The following TRAT1 variants were observed in gnomAD, a reference collection of about 807,000 sequenced individuals.
The protein encoded by TRAT1 is T-cell receptor-associated transmembrane adapter 1.
A neutral mutation model predicts 20.0 loss-of-function variants in TRAT1; 20 were observed. The observed-to-expected ratio is 1.00, with a 90% CI of 0.70 to 1.45. The LOEUF (loss-of-function observed/expected upper bound fraction) is 1.45, where lower values mean the gene tolerates loss of function less well. Among genes scored for constraint, TRAT1 ranks in the 40% most tolerant of loss-of-function variants. The pLI is 0.00. For missense variants in TRAT1, 237 were observed against 224.1 expected (o/e 1.06, Z -0.37); for synonymous variants, 77 against 74.2 (o/e 1.04, Z -0.20).
At chr3:108,844,843 CAAAAAAA>C (rs71103495) in intron 3 of TRAT1, among the ~76,000 whole-genome samples, 10 of 47,832 alleles carry the variant, frequency 2.1e-4, no homozygotes, top group Admixed American at 2.8e-4. Flanking sequence ...GACTCTGTCT[CAAAAAAA>C]AAAAAAAAAA....
chr3:108,849,276 C>T, intron 5 of TRAT1, 22 bp downstream of exon 5: 1 of 1,575,432 alleles, frequency 6.3e-7, no homozygotes, highest in South Asian at 1.1e-5. Flanking sequence ...TTTCTGTTTC[C>T]ACATTTGCAC....
intron 2 of TRAT1, among the ~76,000 whole-genome samples, chr3:108,832,789 G>A (rs1461442191): frequency 6.6e-6 from 1 of 152,128 alleles, no homozygotes; most frequent in Non-Finnish European, 1.5e-5. Context: ...AATTTATCTA[G>A]CAAATGTGAC....
chr3:108,834,679 T>C (rs925537538), intron 2 of TRAT1, among the ~76,000 whole-genome samples: 2 of 152,264 alleles, frequency 1.3e-5, no homozygotes, highest in African/African-American at 2.4e-5. Context: ...TTTGTTACTC[T>C]TTGTGGCTGA....
chr3:108,829,837 A>G (rs1410265702), intron 1 of TRAT1, among the ~76,000 whole-genome samples: 4 of 152,204 alleles, frequency 2.6e-5, no homozygotes, highest in African/African-American at 9.6e-5. Flanking sequence ...TTTGGTAATG[A>G]TAATAAATGA....
intron 3 of TRAT1, among the ~76,000 whole-genome samples, chr3:108,844,843 C>CA (rs71103495): frequency 0.39 from 18,444 of 47,418 alleles, 4,723 homozygotes; most frequent in Non-Finnish European, 0.46. Flanking sequence ...GACTCTGTCT[C>CA]AAAAAAAAAA....
At chr3:108,834,577 A>T (rs1945822379) in intron 2 of TRAT1, among the ~76,000 whole-genome samples, 1 of 152,218 alleles carries the variant, frequency 6.6e-6, no homozygotes, top group African/African-American at 2.4e-5. Flanking sequence ...AATAAAAGAG[A>T]TTCTATTGTA....
chr3:108,827,660 C>T (rs1945754142), intron 1 of TRAT1, among the ~76,000 whole-genome samples: 1 of 151,948 alleles, frequency 6.6e-6, no homozygotes, highest in African/African-American at 2.4e-5. Flanking sequence ...GAATTACGGA[C>T]CCTAAAAGCA....
Position 108,832,259 on chromosome 3 carries a change from C to T in TRAT1, c.118+1479C>T, listed in dbSNP as rs942153803. Among the ~76,000 whole-genome samples the T allele has an allele frequency of 9.2e-5, 14 of 152,266 alleles. No individual in the cohort carries two copies. The East Asian group carries it at 2.7e-3, about 29-fold the overall frequency. ...TTTCTACCAGTACATCCTTCCTTGA[C>T]ATTGTTGACCAGTTGTCCTCAGCCA... On this transcript the variant is annotated intron_variant, in intron 2 of 5. Coordinates refer to ENST00000295756, the MANE Select transcript of TRAT1 (RefSeq NM_016388.4).
In TRAT1 at chr3:108,822,917, A is replaced by G; in HGVS notation, c.-11A>G. On this transcript the variant is annotated 5_prime_UTR_variant, in exon 1 of 6. Coordinates refer to ENST00000295756, the MANE Select transcript of TRAT1 (RefSeq NM_016388.4). ...TATGGCTAGATAAAGATTTCTCTGA[A>G]AAAAAGAAGCATGTCAGGTAAGTGG... 1 of 1,610,182 alleles carries G rather than the reference A, an allele frequency of 6.2e-7. No individual in the cohort carries two copies. The highest frequency in any genetic ancestry group is 8.5e-7 in the Non-Finnish European group (1 of 1,177,532).
Position 108,849,024 on chromosome 3 carries a change from T to G in TRAT1, c.215-142T>G, listed in dbSNP as rs942852004. On this transcript the variant is annotated intron_variant, in intron 4 of 5. Transcript: ENST00000295756. ...TAACAGTTTGGGCTTCCTTACCTCT[T>G]TCTATCTCCACCAAAAAGACTAGTT... is the stretch of plus-strand genomic sequence containing the variant. 40 of 709,354 alleles carry G rather than the reference T, an allele frequency of 5.6e-5. No homozygotes were observed. The South Asian group carries it at 7.4e-4, about 13-fold the overall frequency. The allele number at this position is 709,354 out of a possible 1,614,324, so 43.9% of individuals were successfully genotyped here.
chr3:108,833,830 AC>A (rs1945816200), intron 2 of TRAT1, among the ~76,000 whole-genome samples: 1 of 148,518 alleles, frequency 6.7e-6, no homozygotes, highest in African/African-American at 2.5e-5. Context: ...ACACACACAC[AC>A]ATCTTTGCAT....
At position 108,828,330 on chromosome 3, in the gene TRAT1, C is replaced by T. The variant is rs1167827635; in HGVS notation, c.8-2340C>T. On this transcript the variant is annotated intron_variant, in intron 1 of 5. Transcript: ENST00000295756. ...TTATTATTTTCCATGTATTTATTTACCCCTCCTCCAGAAAAAGGGGTATTA... is the reference window on the plus strand; with the variant it reads ...TTATTATTTTCCATGTATTTATTTATCCCTCCTCCAGAAAAAGGGGTATTA... 2.0e-5 allele frequency among the ~76,000 whole-genome samples: 3 copies of T among 152,058 alleles called. No individual in the cohort carries two copies. In the South Asian group the frequency reaches 6.2e-4, roughly 32 times the overall value.
rs11371183 is a variant in TRAT1 at position 108,838,356 on chromosome 3, TGATAGATAGATAGATAGATAGATAGATA to T, written c.119-555_119-528del. ...TAGATAGATGATAGATATAGATAGA[TGATAGATAGATAGATAGATAGATAGATA>T]GATAGATAGATAGATAGATAGAGAT... On this transcript the variant is annotated intron_variant, in intron 2 of 5. Transcript: ENST00000295756. Among the ~76,000 whole-genome samples, 21 of 77,036 alleles carry T rather than the reference TGATAGATAGATAGATAGATAGATAGATA, an allele frequency of 2.7e-4. No homozygotes were observed. In the East Asian group the frequency reaches 4.6e-3, roughly 17 times the overall value. The allele number at this position is 77,036 out of a possible 152,430, so 50.5% of individuals were successfully genotyped here.
intron 5 of TRAT1, 61 bp from the exon 6 acceptor site, chr3:108,853,558 AT>A: frequency 6.5e-7 from 1 of 1,546,616 alleles, no homozygotes; most frequent in East Asian, 2.3e-5. Flanking sequence ...CGCCACAGAA[AT>A]TTCCAGAAGT....
intron 4 of TRAT1, among the ~76,000 whole-genome samples, chr3:108,848,857 C>T (rs1945970957): frequency 6.6e-6 from 1 of 152,192 alleles, no homozygotes; most frequent in African/African-American, 2.4e-5. Context: ...TGTGAGATCT[C>T]TATAACATCC....
At chr3:108,834,484 G>T (rs535972926) in intron 2 of TRAT1, among the ~76,000 whole-genome samples, 3 of 152,104 alleles carry the variant, frequency 2.0e-5, no homozygotes, top group African/African-American at 4.8e-5. Context: ...ATATATTTCA[G>T]AACTGCTCTG....
At position 108,845,856 on chromosome 3, in the gene TRAT1, G is replaced by A. The variant is rs1398106972; in HGVS notation, c.153-1212G>A. ...TGCCATTGTGAAATCTGGTCACTAG[G>A]GCCATCATCAATGGTAGGATGACAT... On this transcript the variant is annotated intron_variant, in intron 3 of 5. Coordinates refer to ENST00000295756, the MANE Select transcript of TRAT1 (RefSeq NM_016388.4). Among the ~76,000 whole-genome samples the A allele has an allele frequency of 2.6e-5, 4 of 152,040 alleles. No individual in the cohort carries two copies. In the South Asian group the frequency reaches 6.2e-4, roughly 24 times the overall value.
At position 108,822,899 on chromosome 3, in the gene TRAT1, A is replaced by G; in HGVS notation, c.-29A>G. Reference sequence around the variant, plus strand: ...TAATCCATATATTTGTCTTATGGCTAGATAAAGATTTCTCTGAAAAAAAGA... The same window carrying G: ...TAATCCATATATTTGTCTTATGGCTGGATAAAGATTTCTCTGAAAAAAAGA... On this transcript the variant is annotated 5_prime_UTR_variant, in exon 1 of 6. Transcript: ENST00000295756. 1 of 1,604,196 alleles carries G rather than the reference A, an allele frequency of 6.2e-7. No homozygotes were observed. The highest frequency in any genetic ancestry group is 8.5e-7 in the Non-Finnish European group (1 of 1,171,972).
chr3:108,853,912 A>T lies in TRAT1; in HGVS notation c.*35A>T. On this transcript the variant is annotated 3_prime_UTR_variant, in exon 6 of 6. Transcript: ENST00000295756. ...GATCTAGTTCAATGATTTGGCTCCTATTGAAGATGGCTTCTAAGAAAACAA... is the reference window on the plus strand; with the variant it reads ...GATCTAGTTCAATGATTTGGCTCCTTTTGAAGATGGCTTCTAAGAAAACAA... The T allele has an allele frequency of 1.2e-6, 2 of 1,601,990 alleles. No individual in the cohort carries two copies. The highest frequency in any genetic ancestry group is 1.7e-6 in the Non-Finnish European group (2 of 1,171,934).
Sources: gnomAD v4.1 joint callset for allele counts (sites outside exome capture counted in the v4.1 genomes callset) on GRCh38, gnomAD v4.1.1 for gene constraint, MANE v1.5 for transcripts, NCBI Gene and HGNC (gene_info 2026-07-23, HGNC 2026-07-21) for gene names.